GRID2: variants seen among roughly 807,000 people sequenced by gnomAD.
GRID2 encodes the protein glutamate receptor ionotropic, delta-2.
GRID2 carries 33 observed loss-of-function variants against 114.8 expected under a neutral mutation model. The ratio of observed to expected loss-of-function variants is 0.29; its 90% CI spans 0.22 to 0.38. GRID2 has a LOEUF of 0.38. Among genes scored for constraint, GRID2 ranks in the 10% least tolerant of loss-of-function variants. The pLI is 1.00. For missense variants in GRID2, 1,184 were observed against 1,257.7 expected (o/e 0.94, Z 0.89); for synonymous variants, 505 against 449.9 (o/e 1.12, Z -1.55).
chr4:93,543,881 G>A (rs1156602456), intron 13 of GRID2, among the ~76,000 whole-genome samples: 1 of 152,172 alleles, frequency 6.6e-6, no homozygotes, highest in Non-Finnish European at 1.5e-5. Context: ...AGAACAAGTT[G>A]TGCAGATGCT....
intron 2 of GRID2, among the ~76,000 whole-genome samples, chr4:92,756,578 T>A (rs1337354754): frequency 6.6e-6 from 1 of 152,166 alleles, no homozygotes; most frequent in East Asian, 1.9e-4. Flanking sequence ...GTATAACAAT[T>A]CCCTTTTCTC....
intron 13 of GRID2, among the ~76,000 whole-genome samples, chr4:93,543,575 A>G (rs550674676): frequency 6.6e-6 from 1 of 152,354 alleles, no homozygotes; most frequent in African/African-American, 2.4e-5. Flanking sequence ...GCCAGTTGGC[A>G]ATAAAATAGA....
chr4:92,377,383 GA>G (rs950960633), intron 1 of GRID2, among the ~76,000 whole-genome samples: 6 of 152,052 alleles, frequency 3.9e-5, no homozygotes, highest in Admixed American at 1.3e-4. Flanking sequence ...CCTCAGCCCA[GA>G]CTTTATTGTC....
At chr4:93,129,907 A>G (rs535110440) in intron 4 of GRID2, among the ~76,000 whole-genome samples, 16 of 152,198 alleles carry the variant, frequency 1.1e-4, no homozygotes, top group Middle Eastern at 3.4e-3. Flanking sequence ...GATGGAGTGG[A>G]TCTAACTAGG....
chr4:92,644,531 T>C (rs1731517654), intron 2 of GRID2, among the ~76,000 whole-genome samples: 2 of 151,876 alleles, frequency 1.3e-5, no homozygotes, highest in African/African-American at 2.4e-5. Flanking sequence ...ATAGATGTCA[T>C]ACATTTTTAT....
chr4:93,432,642 C>T (rs1769526013), intron 10 of GRID2, among the ~76,000 whole-genome samples: 1 of 151,988 alleles, frequency 6.6e-6, no homozygotes, highest in Non-Finnish European at 1.5e-5. Flanking sequence ...ATTTTCAGGG[C>T]AATAAAACTA....
At chr4:93,366,560 C>T (rs557372907) in intron 8 of GRID2, among the ~76,000 whole-genome samples, 123 of 152,202 alleles carry the variant, frequency 8.1e-4, no homozygotes, top group African/African-American at 2.9e-3. Flanking sequence ...TGTGATCTTG[C>T]CCTGCCTCCG....
At chr4:92,855,719 C>A (rs1199520776) in intron 2 of GRID2, among the ~76,000 whole-genome samples, 2 of 151,758 alleles carry the variant, frequency 1.3e-5, no homozygotes, top group Non-Finnish European at 1.5e-5. Context: ...TTAACACACA[C>A]CTTTTTAGTC....
intron 2 of GRID2, among the ~76,000 whole-genome samples, chr4:92,873,978 T>G (rs988416935): frequency 2.0e-5 from 3 of 152,124 alleles, no homozygotes; most frequent in Non-Finnish European, 4.4e-5. Context: ...CCTCCCAAAG[T>G]GCTGGGATTA....
chr4:93,027,053 C>T (rs868170969), intron 2 of GRID2, among the ~76,000 whole-genome samples: 2 of 151,702 alleles, frequency 1.3e-5, no homozygotes, highest in South Asian at 2.1e-4. Flanking sequence ...ATTGGCAAAT[C>T]AACTGTGGAA....
At chr4:92,440,692 T>C (rs140033197) in intron 1 of GRID2, among the ~76,000 whole-genome samples, 25,853 of 151,388 alleles carry the variant, frequency 0.17, 2,962 homozygotes, top group African/African-American at 0.33. Flanking sequence ...TGGTGTGTGG[T>C]GATTAGGCCT....
At chr4:92,922,384 A>G (rs1749435213) in intron 2 of GRID2, among the ~76,000 whole-genome samples, 1 of 152,036 alleles carries the variant, frequency 6.6e-6, no homozygotes, top group Non-Finnish European at 1.5e-5. Flanking sequence ...CCCCAGTGAG[A>G]TGAACCCAGT....
intron 14 of GRID2, among the ~76,000 whole-genome samples, chr4:93,727,939 T>C (rs970582179): frequency 5.3e-5 from 8 of 152,104 alleles, no homozygotes; most frequent in Non-Finnish European, 8.8e-5. Context: ...AAAACCAGCT[T>C]CTGGATTCAT....
In GRID2 at chr4:92,676,168, CCCT is replaced by C. The variant is rs1365682787; in HGVS notation, c.244+85883_244+85885del. On this transcript the variant is annotated intron_variant, in intron 2 of 15. Coordinates refer to ENST00000282020, the MANE Select transcript of GRID2 (RefSeq NM_001510.4). ...ATTGTCGTGTCAAGCCCCCCCCCCC[CCCT>C]TTTTTTTTTGTGGTTGTTTTTGTTG... 5.9e-3 allele frequency among the ~76,000 whole-genome samples: 564 copies of C among 95,728 alleles called. 12 individuals are homozygous for C. Among genetic ancestry groups the C allele is most frequent in the African/African-American group, 0.022 (533 of 24,536 alleles). 62.8% of individuals were successfully genotyped at this position (95,728 alleles called of 152,430 possible).
intron 2 of GRID2, chr4:92,702,303 TA>T (rs1164974483): frequency 6.6e-6 from 1 of 152,154 alleles, no homozygotes; most frequent in East Asian, 1.9e-4. Flanking sequence ...GCATAAAATG[TA>T]AAACTTTATA....
At chr4:93,661,907 C>T (rs573309861) in intron 14 of GRID2, among the ~76,000 whole-genome samples, 69 of 152,216 alleles carry the variant, frequency 4.5e-4, no homozygotes, top group Middle Eastern at 3.4e-3. Context: ...CTGTGACTTT[C>T]CCTCTAACTC....
chr4:93,493,804 G>C (rs191778028), intron 12 of GRID2, among the ~76,000 whole-genome samples: 1 of 151,912 alleles, frequency 6.6e-6, no homozygotes, highest in East Asian at 1.9e-4. Context: ...TCCCTCAAGT[G>C]TAGTTCTACT....
chr4:92,741,227 C>T (rs1370238492), intron 2 of GRID2, among the ~76,000 whole-genome samples: 1 of 152,094 alleles, frequency 6.6e-6, no homozygotes, highest in Non-Finnish European at 1.5e-5. Flanking sequence ...AGTGATTATT[C>T]CTATCTCATA....
At chr4:92,311,867 A>T (rs1483456024) in intron 1 of GRID2, among the ~76,000 whole-genome samples, 1 of 152,092 alleles carries the variant, frequency 6.6e-6, no homozygotes, top group Non-Finnish European at 1.5e-5. Context: ...TTGAACCAAC[A>T]AGCTATGTTT....
Sources: gnomAD v4.1 joint callset for allele counts (sites outside exome capture counted in the v4.1 genomes callset) on GRCh38, gnomAD v4.1.1 for gene constraint, MANE v1.5 for transcripts, NCBI Gene and HGNC (gene_info 2026-07-23, HGNC 2026-07-21) for gene names.